The following ACOT12 variants were observed in gnomAD, a reference collection of about 807,000 sequenced individuals.
ACOT12 encodes the protein acyl-CoA thioesterase 12, also known as acetyl-coenzyme A thioesterase.
A neutral mutation model predicts 67.7 loss-of-function variants in ACOT12; 51 were observed. The observed-to-expected ratio is 0.75, with a 90% CI of 0.60 to 0.95. The LOEUF is 0.95. Ranked by LOEUF, ACOT12 falls within the 40% of genes least tolerant of loss-of-function variation. The probability of loss-of-function intolerance (pLI) is 0.00; values close to 1 mark genes in which losing one functional copy is unlikely to be tolerated. For missense variants in ACOT12, 734 were observed against 708.1 expected (o/e 1.04, Z -0.41); for synonymous variants, 251 against 244.6 (o/e 1.03, Z -0.24).
At chr5:81,362,166 T>C (rs191611569) in intron 4 of ACOT12, among the ~76,000 whole-genome samples, 12,819 of 84,524 alleles carry the variant, frequency 0.15, 713 homozygotes, top group Non-Finnish European at 0.2. Context: ...TTATATTCTT[T>C]TTTTTTTTTT....
rs907326220 is a variant in ACOT12 at position 81,367,261 on chromosome 5, C to T, written c.259-3372G>A. 1.3e-5 allele frequency among the ~76,000 whole-genome samples: 2 copies of T among 152,058 alleles called. 1 individual carries two copies. The highest frequency in any genetic ancestry group is 4.1e-4 in the South Asian group (2 of 4,830). ...ACAATACGCAAAAGAATAAAGAACA[C>T]CAGAAATGGCAAATATGTGGGTATA... On this transcript the variant is annotated intron_variant, in intron 3 of 14. Transcript: ENST00000307624.
chr5:81,359,914 C>T lies in ACOT12; in HGVS notation c.485G>A (p.Ser162Asn), dbSNP rs753320206. The change falls in exon 5 of 15, where the codon AGC (serine) becomes AAC (asparagine). Residue 162 changes from serine to asparagine, a missense_variant. By Grantham distance (46) the Ser-to-Asn change is conservative (BLOSUM62 1). Coordinates refer to ENST00000307624, the MANE Select transcript of ACOT12 (RefSeq NM_130767.3). ...GTGGATTTACTGACCATCAAATTTG[C>T]TACTTTCCTTCATTAAATTGTTAAA... ...DTFNNLMKESSKFDDLIFDEE... is the reference protein window; with the variant it reads ...DTFNNLMKESNKFDDLIFDEE... 6.2e-6 allele frequency: 10 copies of T among 1,605,052 alleles called. No individual in the cohort carries two copies. In the East Asian group the frequency reaches 2.2e-4, roughly 36 times the overall value.
At chr5:81,360,123 A>G (rs1759858809) in intron 4 of ACOT12, 85 bp from the exon 5 acceptor site, 1 of 1,382,670 alleles carries the variant, frequency 7.2e-7, no homozygotes, top group Non-Finnish European at 9.9e-7. Context: ...ATGATATGCT[A>G]CATGGTTTTC....
chr5:81,367,919 A>G (rs72771192), intron 3 of ACOT12, among the ~76,000 whole-genome samples: 14,072 of 152,260 alleles, frequency 0.092, 811 homozygotes, highest in Admixed American at 0.13. Context: ...TTAATGTCAG[A>G]CAAAGTAGAT....
At chr5:81,320,632 C>T in the ACOT12 span, among the ~76,000 whole-genome samples, 2 of 152,102 alleles carry the variant, frequency 1.3e-5, no homozygotes, top group African/African-American at 4.8e-5. Context: ...AGAATTCACA[C>T]AAAATTCAAG....
chr5:81,334,330 G>A (rs1758927099), intron 12 of ACOT12, among the ~76,000 whole-genome samples: 2 of 152,254 alleles, frequency 1.3e-5, no homozygotes, highest in Non-Finnish European at 1.5e-5. Context: ...AGAGCGCATC[G>A]TAACACACAC....
At chr5:81,311,162 A>T in the ACOT12 span, 3,328 of 1,601,358 alleles carry the variant, frequency 2.1e-3, 61 homozygotes, top group African/African-American at 0.04. Context: ...GATGTTAAAA[A>T]CCCCTTGCAA....
downstream of ACOT12, among the ~76,000 whole-genome samples, chr5:81,325,520 A>T (rs952138921): frequency 6.6e-6 from 1 of 152,216 alleles, no homozygotes; most frequent in African/African-American, 2.4e-5. Context: ...GGGAGTGATT[A>T]TAATGATGGA....
chr5:81,341,843 G>T (rs1351794571), intron 11 of ACOT12, among the ~76,000 whole-genome samples: 1 of 152,136 alleles, frequency 6.6e-6, no homozygotes, highest in Non-Finnish European at 1.5e-5. Flanking sequence ...GTCCAGACAA[G>T]GCCTCTTTCT....
At chr5:81,346,420 TAATC>T (rs1561329286) in intron 6 of ACOT12, among the ~76,000 whole-genome samples, 1 of 152,232 alleles carries the variant, frequency 6.6e-6, no homozygotes, top group Admixed American at 6.5e-5. Context: ...GCTTTACAGT[TAATC>T]AAATTCACCC....
intron 1 of ACOT12, among the ~76,000 whole-genome samples, chr5:81,387,631 C>A (rs1194797038): frequency 2.0e-5 from 3 of 150,050 alleles, no homozygotes; most frequent in Non-Finnish European, 4.4e-5. Flanking sequence ...CTCCTGGGCT[C>A]AAGTGATCTT....
chr5:81,347,685 C>G, intron 6 of ACOT12, 89 bp downstream of exon 6: 1 of 1,444,536 alleles, frequency 6.9e-7, no homozygotes, highest in Non-Finnish European at 9.3e-7. Context: ...TCCTTGACTT[C>G]TTGACTATCC....
At chr5:81,388,666 C>T (rs748776531) in intron 1 of ACOT12, among the ~76,000 whole-genome samples, 1 of 152,204 alleles carries the variant, frequency 6.6e-6, no homozygotes, top group Non-Finnish European at 1.5e-5. Context: ...CCCCTGCTCT[C>T]ATGGAGTCTA....
intron 2 of ACOT12, among the ~76,000 whole-genome samples, chr5:81,384,105 T>A (rs1021260712): frequency 1.4e-5 from 2 of 147,846 alleles, no homozygotes; most frequent in Admixed American, 1.4e-4. Flanking sequence ...TTAAGTGCCC[T>A]ACATAGGTGT....
chr5:81,355,597 T>C (rs1205057785), intron 5 of ACOT12, among the ~76,000 whole-genome samples: 1 of 152,004 alleles, frequency 6.6e-6, no homozygotes, highest in Admixed American at 6.5e-5. Context: ...AAAAAAAGCG[T>C]TGGATAAGAA....
intron 3 of ACOT12, among the ~76,000 whole-genome samples, chr5:81,366,694 G>A (rs188013856): frequency 6.6e-5 from 10 of 151,656 alleles, no homozygotes; most frequent in Admixed American, 2.6e-4. Flanking sequence ...AGGAAAGAAC[G>A]GAAAATATAA....
chr5:81,344,506 G>GA (rs1420286577), intron 8 of ACOT12, among the ~76,000 whole-genome samples: 1 of 152,184 alleles, frequency 6.6e-6, no homozygotes, highest in Non-Finnish European at 1.5e-5. Flanking sequence ...AGAGTTTTTA[G>GA]AAAAAATTAA....
chr5:81,385,886 A>C lies in ACOT12; in HGVS notation c.128-60T>G, dbSNP rs919813255. 47 of 1,491,284 alleles carry C rather than the reference A, an allele frequency of 3.2e-5. 1 individual carries two copies. In the Admixed American group the frequency reaches 4.7e-4, roughly 15 times the overall value. The allele number at this position is 1,491,284 out of a possible 1,614,324, so 92.4% of individuals were successfully genotyped here. On this transcript the variant is annotated intron_variant, in intron 1 of 14. Transcript: ENST00000307624. Reference sequence around the variant, plus strand: ...GGTGATATGAGAATATTTCAGTATAAGGGAAAGGAATGAAATGTAAGTGCA... The same window carrying C: ...GGTGATATGAGAATATTTCAGTATACGGGAAAGGAATGAAATGTAAGTGCA...
Position 81,332,354 on chromosome 5 carries a change from A to G in ACOT12, c.1391+123T>C, listed in dbSNP as rs1758855039. 3 of 1,126,658 alleles carry G rather than the reference A, an allele frequency of 2.7e-6. No homozygotes were observed. In the Admixed American group the frequency reaches 7.5e-5, roughly 28 times the overall value. 69.8% of individuals were successfully genotyped at this position (1,126,658 alleles called of 1,614,324 possible). ...ATAGCTAAAGATTCATCTAGGTATA[A>G]TTCAAATAAACATAATTCAAGAGCA... is the stretch of plus-strand genomic sequence containing the variant. On this transcript the variant is annotated intron_variant, in intron 13 of 14. Transcript: ENST00000307624.
Sources: allele counts gnomAD v4.1 joint callset (sites outside exome capture counted in the v4.1 genomes callset), GRCh38; gene constraint gnomAD v4.1.1; transcripts MANE v1.5; gene names NCBI Gene and HGNC (gene_info 2026-07-23, HGNC 2026-07-21).